GALNT13: variants seen among roughly 807,000 people sequenced by gnomAD.
GALNT13 encodes the protein polypeptide N-acetylgalactosaminyltransferase 13.
GALNT13 carries 28 observed loss-of-function variants against 64.2 expected under a neutral mutation model. The observed-to-expected ratio is 0.44, with a 90% CI of 0.32 to 0.60. GALNT13 has a LOEUF of 0.60. Ranked by LOEUF, GALNT13 falls within the 20% of genes least tolerant of loss-of-function variation. GALNT13 has a pLI of 0.05. For missense variants in GALNT13, 577 were observed against 669.8 expected, an observed-to-expected ratio of 0.86 and a Z score of 1.53; for synonymous variants, 214 against 224.6, an observed-to-expected ratio of 0.95 and a Z score of 0.42.
At chr2:153,125,480 G>T in the GALNT13 span, among the ~76,000 whole-genome samples, 1 of 152,190 alleles carries the variant, frequency 6.6e-6, no homozygotes, top group African/African-American at 2.4e-5. Flanking sequence ...ATGGAAGGCA[G>T]CTGTGGACCC....
the GALNT13 span, among the ~76,000 whole-genome samples, chr2:153,740,467 T>C: frequency 6.6e-6 from 1 of 152,148 alleles, no homozygotes; most frequent in Non-Finnish European, 1.5e-5. Flanking sequence ...TTTCATTAAT[T>C]GCAAGCATAT....
At chr2:154,133,419 TGATTA>T (rs745404792) in intron 3 of GALNT13, among the ~76,000 whole-genome samples, 9 of 151,328 alleles carry the variant, frequency 5.9e-5, no homozygotes, top group Non-Finnish European at 8.8e-5. Context: ...TGAGTTGCTA[TGATTA>T]AAGATTTTTG....
At chr2:153,729,409 T>G in the GALNT13 span, among the ~76,000 whole-genome samples, 1 of 152,144 alleles carries the variant, frequency 6.6e-6, no homozygotes, top group Non-Finnish European at 1.5e-5. Context: ...ATAGTTTAAT[T>G]TATCATTTTA....
chr2:153,612,394 G>A, the GALNT13 span, among the ~76,000 whole-genome samples: 1 of 152,106 alleles, frequency 6.6e-6, no homozygotes, highest in East Asian at 1.9e-4. Flanking sequence ...TGCACACGTA[G>A]TATGTTTATT....
intron 3 of GALNT13, among the ~76,000 whole-genome samples, chr2:154,056,875 ATAAAT>A (rs1699919067): frequency 6.6e-6 from 1 of 151,914 alleles, no homozygotes; most frequent in Non-Finnish European, 1.5e-5. Context: ...GAAGAATAAT[ATAAAT>A]TAATTTATTT....
At chr2:154,082,766 G>T (rs1461726749) in intron 3 of GALNT13, among the ~76,000 whole-genome samples, 2 of 151,336 alleles carry the variant, frequency 1.3e-5, no homozygotes, top group African/African-American at 4.8e-5. Flanking sequence ...TTGTTTGTTT[G>T]TTTCTTGAAA....
the GALNT13 span, among the ~76,000 whole-genome samples, chr2:153,835,989 A>G: frequency 2.0e-5 from 3 of 152,024 alleles, no homozygotes; most frequent in Middle Eastern, 3.2e-3. Flanking sequence ...AATGTGCTCT[A>G]TGTTATGAAG....
At chr2:153,868,732 T>C (rs777946121), upstream of GALNT13, among the ~76,000 whole-genome samples, 3 of 152,208 alleles carry the variant, frequency 2.0e-5, no homozygotes, top group Non-Finnish European at 4.4e-5. Context: ...CATTTGGCCT[T>C]ATATTGGCCA....
intron 3 of GALNT13, among the ~76,000 whole-genome samples, chr2:154,057,404 A>G (rs1342151341): frequency 6.6e-6 from 1 of 152,232 alleles, no homozygotes; most frequent in Non-Finnish European, 1.5e-5. Context: ...AACAAAATGT[A>G]CTGTGAGATT....
At chr2:153,340,330 T>C in the GALNT13 span, among the ~76,000 whole-genome samples, 1 of 152,200 alleles carries the variant, frequency 6.6e-6, no homozygotes, top group African/African-American at 2.4e-5. Context: ...CTAATTTCTC[T>C]GGATAGGACT....
chr2:153,728,197 A>G, the GALNT13 span, among the ~76,000 whole-genome samples: 8 of 152,196 alleles, frequency 5.3e-5, no homozygotes, highest in South Asian at 8.3e-4. Context: ...TACTGCTGCA[A>G]TAAACATACG....
intron 4 of GALNT13, among the ~76,000 whole-genome samples, chr2:154,203,019 C>T (rs1559022422): frequency 6.6e-6 from 1 of 152,054 alleles, no homozygotes; most frequent in Non-Finnish European, 1.5e-5. Context: ...TTTTATACAC[C>T]TGCTAACGAA....
chr2:153,673,032 C>G, the GALNT13 span, among the ~76,000 whole-genome samples: 5 of 152,094 alleles, frequency 3.3e-5, no homozygotes, highest in Non-Finnish European at 7.4e-5. Context: ...TCTGAATAGA[C>G]CAATAACATG....
At chr2:154,152,008 G>T (rs1386459260) in intron 4 of GALNT13, among the ~76,000 whole-genome samples, 1 of 152,142 alleles carries the variant, frequency 6.6e-6, no homozygotes, top group African/African-American at 2.4e-5. Context: ...GTTAGTTGAT[G>T]CAGTTTCTTC....
chr2:153,271,040 A>G, the GALNT13 span, among the ~76,000 whole-genome samples: 1 of 152,202 alleles, frequency 6.6e-6, no homozygotes, highest in Non-Finnish European at 1.5e-5. Context: ...CAATAGATGT[A>G]GAAAAGGCCT....
At chr2:153,416,335 G>A in the GALNT13 span, among the ~76,000 whole-genome samples, 131 of 152,266 alleles carry the variant, frequency 8.6e-4, no homozygotes, top group Middle Eastern at 3.4e-3. Flanking sequence ...TATTAACAAA[G>A]AACAAGCACT....
chr2:153,363,516 GA>G, the GALNT13 span, among the ~76,000 whole-genome samples: 1 of 151,612 alleles, frequency 6.6e-6, no homozygotes, highest in Non-Finnish European at 1.5e-5. Context: ...AAAGAGAGAA[GA>G]ATCAAATAGA....
At chr2:153,521,578 A>C in the GALNT13 span, among the ~76,000 whole-genome samples, 1 of 152,156 alleles carries the variant, frequency 6.6e-6, no homozygotes, top group East Asian at 1.9e-4. Flanking sequence ...ATCAGGCTAC[A>C]TTCTTGGTGT....
chr2:153,886,369 C>G (rs1031094326), intron 1 of GALNT13, among the ~76,000 whole-genome samples: 5 of 151,714 alleles, frequency 3.3e-5, no homozygotes, highest in Middle Eastern at 3.2e-3. Context: ...CCACTCCCCC[C>G]ACCCCGCAAC....
Sources: gnomAD v4.1 joint callset for allele counts (sites outside exome capture counted in the v4.1 genomes callset) on GRCh38, gnomAD v4.1.1 for gene constraint, MANE v1.5 for transcripts, NCBI Gene and HGNC (gene_info 2026-07-23, HGNC 2026-07-21) for gene names.